SARDH: variants seen among roughly 807,000 people sequenced by gnomAD.
SARDH encodes sarcosine dehydrogenase, also known as sarcosine dehydrogenase, mitochondrial.
A neutral mutation model predicts 109.1 loss-of-function variants in SARDH; 95 were observed. The observed-to-expected ratio is 0.87, with a 90% confidence interval of 0.74 to 1.03. The LOEUF is 1.03. Among genes scored for constraint, SARDH ranks in the 50% least tolerant of loss-of-function variants. SARDH has a pLI of 0.00. For missense variants in SARDH, 1,267 were observed against 1,287.8 expected (o/e 0.98, Z 0.25); for synonymous variants, 572 against 534.8 (o/e 1.07, Z -0.96).
chr9:133,682,954 A>T (rs1354449611), intron 17 of SARDH, among the ~76,000 whole-genome samples: 1 of 152,262 alleles, frequency 6.6e-6, no homozygotes, highest in African/African-American at 2.4e-5. Context: ...TGCAGCCGTG[A>T]TGTGCTTTTT....
rs986524199 is a variant in SARDH, at chr9:133,673,389, C to A, written c.2164-1692G>T. Among the ~76,000 whole-genome samples, 4 of 152,340 alleles carry A rather than the reference C, an allele frequency of 2.6e-5. No individual in the cohort carries two copies. The South Asian group carries it at 6.2e-4, about 24-fold the overall frequency. On this transcript the variant is annotated intron_variant, in intron 17 of 20. Coordinates refer to ENST00000439388, the MANE Select transcript of SARDH (RefSeq NM_001134707.2). ...GGAATGGGGAGAGCTAGGCTGACTG[C>A]AGGATCCCAGACAGCGGAGGAGCTG...
intron 6 of SARDH, among the ~76,000 whole-genome samples, chr9:133,723,473 CCTT>C (rs1461234425): frequency 3.3e-4 from 51 of 152,290 alleles, no homozygotes; most frequent in Admixed American, 3.3e-3. Flanking sequence ...GAGAAATAAA[CCTT>C]CTTCTGCCAG....
In SARDH at chr9:133,696,219, A is replaced by G; in HGVS notation, c.1807+4T>C. 1 of 1,613,740 alleles carries G rather than the reference A, an allele frequency of 6.2e-7. No homozygotes were observed. Among genetic ancestry groups the G allele is most frequent in the Non-Finnish European group, 8.5e-7 (1 of 1,179,988 alleles). The stretch of plus-strand genomic sequence containing the variant: ...AACATGCCCCCCAACCTCAGGCTCC[A>G]TACCTGGGGGTCGGCTGACATCTGC... On this transcript the variant is annotated splice_donor_region_variant and intron_variant, in intron 14 of 20. Coordinates refer to ENST00000439388, the MANE Select transcript of SARDH (RefSeq NM_001134707.2).
intron 17 of SARDH, among the ~76,000 whole-genome samples, chr9:133,672,152 G>A (rs1429410499): frequency 2.0e-5 from 3 of 152,118 alleles, no homozygotes; most frequent in Non-Finnish European, 4.4e-5. Flanking sequence ...AGCACCTCCC[G>A]AGCACCTCCC....
intron 19 of SARDH, among the ~76,000 whole-genome samples, chr9:133,667,842 T>C (rs1830127899): frequency 6.6e-6 from 1 of 152,116 alleles, no homozygotes; most frequent in Admixed American, 6.5e-5. Context: ...CACCCTAGTT[T>C]CTGTTCTCCA....
intron 6 of SARDH, among the ~76,000 whole-genome samples, chr9:133,727,810 C>T (rs1832543883): frequency 6.6e-6 from 1 of 152,168 alleles, no homozygotes; most frequent in Non-Finnish European, 1.5e-5. Flanking sequence ...CAGGAGGGGG[C>T]AGCTGCAGGG....
At chr9:133,673,831 C>T (rs1830430574) in intron 17 of SARDH, among the ~76,000 whole-genome samples, 1 of 152,164 alleles carries the variant, frequency 6.6e-6, no homozygotes, top group African/African-American at 2.4e-5. Flanking sequence ...CCTCCAATTG[C>T]GGATCCCTGT....
At chr9:133,732,381 C>T (rs1393684116) in intron 3 of SARDH, 42 bp downstream of exon 3, 5 of 921,142 alleles carry the variant, frequency 5.4e-6, no homozygotes, top group South Asian at 2.7e-5. Context: ...TGCACCCACC[C>T]ACCCAAGCCC....
chr9:133,685,255 C>G lies in SARDH; in HGVS notation c.2101G>C (p.Asp701His). The G allele has an allele frequency of 1.9e-6, 3 of 1,614,032 alleles. No homozygotes were observed. The highest frequency in any genetic ancestry group is 2.5e-6 in the Non-Finnish European group (3 of 1,179,976). Reference protein sequence around the residue: ...RAILQEVLDADLSNEAFPFST... With the variant: ...RAILQEVLDAHLSNEAFPFST... ...AACGGGAAGGCCTCGTTGCTCAGGT[C>G]TGCGTCCAGCACCTCCTGCAAAATG... The change falls in exon 17 of 21, where the codon GAC becomes CAC. Residue 701 changes from aspartate (D) to histidine (H), a missense_variant. Physicochemically the swap from Asp to His is moderately conservative, Grantham distance 81. Coordinates refer to ENST00000439388, the MANE Select transcript of SARDH (RefSeq NM_001134707.2).
downstream of SARDH, among the ~76,000 whole-genome samples, chr9:133,661,346 AAAAC>A (rs1005863319): frequency 1.3e-5 from 2 of 150,796 alleles, no homozygotes; most frequent in Non-Finnish European, 3.0e-5. Flanking sequence ...TCTCAAAAAA[AAAAC>A]AACAACAACA....
upstream of SARDH, among the ~76,000 whole-genome samples, chr9:133,739,295 A>G (rs1832984605): frequency 6.6e-6 from 1 of 152,234 alleles, no homozygotes; most frequent in Non-Finnish European, 1.5e-5. Flanking sequence ...ATCGTATAGT[A>G]AACTGCTGTA....
intron 19 of SARDH, among the ~76,000 whole-genome samples, 175 bp downstream of exon 19, chr9:133,670,409 T>C (rs1441912597): frequency 6.6e-6 from 1 of 151,906 alleles, no homozygotes; most frequent in Non-Finnish European, 1.5e-5. Flanking sequence ...ATGGCCTCTC[T>C]CTTTGGCCTC....
At chr9:133,730,244 C>T in intron 4 of SARDH, 57 bp from the exon 5 acceptor site, 1 of 1,594,842 alleles carries the variant, frequency 6.3e-7, no homozygotes, top group Non-Finnish European at 8.5e-7. Context: ...GGGTGCTTCC[C>T]ACCCCACTCC....
chr9:133,699,265 G>GAACCCA (rs1831396371), intron 13 of SARDH, among the ~76,000 whole-genome samples: 2 of 152,154 alleles, frequency 1.3e-5, no homozygotes, highest in African/African-American at 2.4e-5. Context: ...ATAATTACTT[G>GAACCCA]GGAGGCTGAG....
chr9:133,725,683 AC>A (rs1473470620), intron 6 of SARDH: 4 of 258,240 alleles, frequency 1.5e-5, no homozygotes, highest in South Asian at 3.3e-5. Context: ...CTCAAAAAAA[AC>A]AAAACAAAAC....
At chr9:133,713,253 AG>A in intron 8 of SARDH, 129 bp from the exon 9 acceptor site, 1 of 723,016 alleles carries the variant, frequency 1.4e-6, no homozygotes, top group South Asian at 1.8e-5. Context: ...TCCCTCCTCT[AG>A]GCCCTGCTCA....
At chr9:133,724,996 G>A (rs1832438822) in intron 6 of SARDH, among the ~76,000 whole-genome samples, 1 of 152,140 alleles carries the variant, frequency 6.6e-6, no homozygotes, top group Admixed American at 6.5e-5. Flanking sequence ...AACACCAAAT[G>A]TCCACCAGTG....
chr9:133,671,339 C>G (rs903021218), intron 18 of SARDH, among the ~76,000 whole-genome samples, 196 bp downstream of exon 18: 1 of 152,110 alleles, frequency 6.6e-6, no homozygotes, highest in African/African-American at 2.4e-5. Context: ...CACGAAGACC[C>G]TGGGCAGCAA....
chr9:133,713,446 C>T (rs1000055650), intron 8 of SARDH, among the ~76,000 whole-genome samples: 1 of 152,200 alleles, frequency 6.6e-6, no homozygotes, highest in Admixed American at 6.5e-5. Context: ...GACCATGCTG[C>T]GGCTCCCCCA....
Sources: gnomAD v4.1 joint callset for allele counts (sites outside exome capture counted in the v4.1 genomes callset) on GRCh38, gnomAD v4.1.1 for gene constraint, MANE v1.5 for transcripts, NCBI Gene and HGNC (gene_info 2026-07-23, HGNC 2026-07-21) for gene names.